The following DRD2 variants were observed in gnomAD, a reference collection of about 807,000 sequenced individuals.
DRD2 encodes the protein D(2) dopamine receptor.
Under a neutral mutation model 38.0 loss-of-function variants are expected in DRD2, and 8 were observed. That is an observed-to-expected ratio of 0.21 (90% confidence interval 0.12 to 0.38). The LOEUF (loss-of-function observed/expected upper bound fraction) is 0.38. Among genes scored for constraint, DRD2 ranks in the 10% least tolerant of loss-of-function variants. DRD2 has a pLI of 1.00. For synonymous variants in DRD2, 230 were observed against 238.6 expected (o/e 0.96, Z 0.33); for missense variants, 403 against 607.7 (o/e 0.66, Z 3.54).
intron 1 of DRD2, among the ~76,000 whole-genome samples, chr11:113,470,934 G>A (rs527472745): frequency 2.0e-5 from 3 of 152,292 alleles, no homozygotes; most frequent in East Asian, 3.9e-4. Flanking sequence ...ATGTATCCTA[G>A]GGAGAGAAGA....
At chr11:113,442,703 T>C (rs906001259) in intron 1 of DRD2, among the ~76,000 whole-genome samples, 2 of 152,244 alleles carry the variant, frequency 1.3e-5, no homozygotes, top group Admixed American at 6.5e-5. Flanking sequence ...CTTTCTACGA[T>C]TGATCATCTA....
At chr11:113,413,021 T>A in intron 6 of DRD2, 138 bp from the exon 7 acceptor site, 1 of 998,362 alleles carries the variant, frequency 1.0e-6, no homozygotes, top group Non-Finnish European at 1.5e-6. Flanking sequence ...GAGGCAAGGA[T>A]GTCACTGAGG....
intron 1 of DRD2, chr11:113,447,475 A>G (rs76500133): frequency 1.3e-5 from 1 of 74,724 alleles, no homozygotes; most frequent in African/African-American, 3.7e-5. Context: ...CCACCCTCTG[A>G]AAAAAAAAAA....
chr11:113,466,230 A>G (rs1951367761), intron 1 of DRD2, among the ~76,000 whole-genome samples: 2 of 152,176 alleles, frequency 1.3e-5, no homozygotes, highest in African/African-American at 4.8e-5. Context: ...ATAGGTTCAA[A>G]CTGTTACTGC....
chr11:113,470,737 A>G (rs1591306731), intron 1 of DRD2, among the ~76,000 whole-genome samples: 1 of 152,140 alleles, frequency 6.6e-6, no homozygotes, highest in East Asian at 1.9e-4. Context: ...TCACCTCTGT[A>G]CACTGTCCCA....
At chr11:113,433,794 C>G (rs1188700870) in intron 1 of DRD2, among the ~76,000 whole-genome samples, 1 of 152,168 alleles carries the variant, frequency 6.6e-6, no homozygotes, top group Non-Finnish European at 1.5e-5. Flanking sequence ...AGGTTGGCAA[C>G]CCGGGTCGCC....
At chr11:113,420,502 C>G (rs943312772) in intron 2 of DRD2, among the ~76,000 whole-genome samples, 1 of 152,170 alleles carries the variant, frequency 6.6e-6, no homozygotes, top group African/African-American at 2.4e-5. Context: ...GGGCATTGCA[C>G]TTTATCTCAT....
chr11:113,420,567 G>A (rs778433660), intron 2 of DRD2, among the ~76,000 whole-genome samples: 6 of 152,208 alleles, frequency 3.9e-5, no homozygotes, highest in Non-Finnish European at 8.8e-5. Context: ...TCATAGGTGA[G>A]GGAACTGAAG....
At chr11:113,446,718 C>G (rs1208880873) in intron 1 of DRD2, among the ~76,000 whole-genome samples, 1 of 152,196 alleles carries the variant, frequency 6.6e-6, no homozygotes, top group Non-Finnish European at 1.5e-5. Context: ...AATTCAATCC[C>G]ATGTCCCCAC....
At chr11:113,433,613 C>T (rs1228118618) in intron 1 of DRD2, among the ~76,000 whole-genome samples, 1 of 152,202 alleles carries the variant, frequency 6.6e-6, no homozygotes, top group Non-Finnish European at 1.5e-5. Flanking sequence ...TCAGGGACCG[C>T]GCAGCAGCTC....
Position 113,410,651 on chromosome 11 carries a change from A to G in DRD2, c.*76T>C, listed in dbSNP as rs1167532255. ...CCGATCCACCCAGGCCTTCCTGCTC[A>G]CGGTTCGCAAGGGTGAGGCTGGCCG... On this transcript the variant is annotated 3_prime_UTR_variant, in exon 8 of 8. Transcript: ENST00000362072. The G allele has an allele frequency of 2.5e-6, 4 of 1,588,016 alleles. No homozygotes were observed. Among genetic ancestry groups the G allele is most frequent in the Non-Finnish European group, 3.5e-6 (4 of 1,158,110 alleles).
intron 1 of DRD2, among the ~76,000 whole-genome samples, chr11:113,447,948 C>T (rs1267401420): frequency 6.6e-6 from 1 of 152,122 alleles, no homozygotes; most frequent in Non-Finnish European, 1.5e-5. Context: ...GGTGCCCAGG[C>T]CCTCCCTGCT....
chr11:113,461,781 C>T (rs1200940461), intron 1 of DRD2, among the ~76,000 whole-genome samples: 1 of 152,084 alleles, frequency 6.6e-6, no homozygotes, highest in Admixed American at 6.5e-5. Context: ...ACTTCAAATC[C>T]CTGAGTTCCT....
intron 1 of DRD2, among the ~76,000 whole-genome samples, chr11:113,446,030 T>G (rs1951145127): frequency 6.6e-6 from 1 of 152,106 alleles, no homozygotes; most frequent in African/African-American, 2.4e-5. Context: ...CCTGGCCCAG[T>G]AAGTTTTTCT....
At chr11:113,426,783 T>C (rs1463886878) in intron 1 of DRD2, among the ~76,000 whole-genome samples, 1 of 152,164 alleles carries the variant, frequency 6.6e-6, no homozygotes, top group Non-Finnish European at 1.5e-5. Flanking sequence ...CAGCAAATCT[T>C]CCTGTTCTAA....
At chr11:113,434,618 G>A (rs1050616266) in intron 1 of DRD2, among the ~76,000 whole-genome samples, 3 of 152,172 alleles carry the variant, frequency 2.0e-5, no homozygotes, top group African/African-American at 7.2e-5. Context: ...GTGGGGATGT[G>A]GGGAGGTGGG....
intron 1 of DRD2, among the ~76,000 whole-genome samples, chr11:113,446,204 TGATACA>T (rs1951147122): frequency 1.3e-5 from 2 of 152,154 alleles, no homozygotes; most frequent in African/African-American, 4.8e-5. Flanking sequence ...ATGACAGATC[TGATACA>T]GTCACCCCAC....
intron 1 of DRD2, among the ~76,000 whole-genome samples, chr11:113,454,640 C>G (rs1206321831): frequency 6.6e-6 from 1 of 152,188 alleles, no homozygotes; most frequent in East Asian, 1.9e-4. Context: ...AAAGTCAGAG[C>G]TCCCTGGACC....
At chr11:113,428,335 G>C (rs1950957795) in intron 1 of DRD2, among the ~76,000 whole-genome samples, 1 of 152,214 alleles carries the variant, frequency 6.6e-6, no homozygotes, top group African/African-American at 2.4e-5. Context: ...CTAAATGAGG[G>C]CAACAGGGTA....
Sources: gnomAD v4.1 joint callset for allele counts (sites outside exome capture counted in the v4.1 genomes callset) on GRCh38, gnomAD v4.1.1 for gene constraint, MANE v1.5 for transcripts, NCBI Gene and HGNC (gene_info 2026-07-23, HGNC 2026-07-21) for gene names.